Variants in DCUN1D4 observed in about 807,000 individuals in gnomAD.
The protein encoded by DCUN1D4 is DCN1-like protein 4.
Under a neutral mutation model 47.9 loss-of-function variants are expected in DCUN1D4, and 22 were observed. The ratio of observed to expected loss-of-function variants is 0.46; its 90% confidence interval spans 0.33 to 0.66. The LOEUF is 0.66. Ranked by LOEUF, DCUN1D4 falls within the 30% of genes least tolerant of loss-of-function variation. The probability of loss-of-function intolerance (pLI) is 0.02; values close to 1 mark genes in which losing one functional copy is unlikely to be tolerated. For synonymous variants in DCUN1D4, 121 were observed against 112.2 expected (o/e 1.08, Z -0.50); for missense variants, 301 against 340.8 (o/e 0.88, Z 0.92).
At chr4:51,899,220 A>G (rs894015279) in intron 7 of DCUN1D4, 50 bp from the exon 8 acceptor site, 1 of 1,504,886 alleles carries the variant, frequency 6.6e-7, no homozygotes, top group Admixed American at 2.5e-5. Flanking sequence ...CTATTAAAAA[A>G]ATAAATAAAT....
At chr4:51,861,955 T>TATATA in intron 1 of DCUN1D4, among the ~76,000 whole-genome samples, 2 of 152,228 alleles carry the variant, frequency 1.3e-5, no homozygotes, top group South Asian at 4.2e-4. Context: ...AATAAATAGG[T>TATATA]GTATAATACA....
At chr4:51,863,779 A>G (rs1725464526) in intron 3 of DCUN1D4, 70 bp downstream of exon 3, 9 of 1,461,856 alleles carry the variant, frequency 6.2e-6, no homozygotes, top group African/African-American at 1.4e-5. Flanking sequence ...AATACTAGCT[A>G]TGAATGCGCT....
At chr4:51,857,537 T>C (rs545423464) in intron 1 of DCUN1D4, among the ~76,000 whole-genome samples, 1 of 152,316 alleles carries the variant, frequency 6.6e-6, no homozygotes, top group South Asian at 2.1e-4. Flanking sequence ...GAATAAGTTG[T>C]TTCAGGGTCC....
chr4:51,873,105 T>C (rs1727163506), intron 3 of DCUN1D4, among the ~76,000 whole-genome samples: 1 of 152,196 alleles, frequency 6.6e-6, no homozygotes, highest in Non-Finnish European at 1.5e-5. Flanking sequence ...AACTCACTCA[T>C]TGACTGCAGA....
chr4:51,862,476 A>C (rs1360977228), intron 1 of DCUN1D4, among the ~76,000 whole-genome samples: 1 of 152,192 alleles, frequency 6.6e-6, no homozygotes, highest in Admixed American at 6.5e-5. Context: ...ACGTGTCCTA[A>C]ATAAAATGTT....
rs553635097 is a variant in DCUN1D4, at chr4:51,911,811, G to A, written c.720+637G>A. 8.5e-5 allele frequency among the ~76,000 whole-genome samples: 13 copies of A among 152,312 alleles called. 3 individuals carry two copies. The highest frequency in any genetic ancestry group is 2.9e-4 in the African/African-American group (12 of 41,562). On this transcript the variant is annotated intron_variant, in intron 9 of 10. Transcript: ENST00000334635. ...AAGTGTCATTCTGTGGGACCTGGAA[G>A]TATATGGGATACAAGTTTGAGTTAC... is the stretch of plus-strand genomic sequence containing the variant.
At chr4:51,855,154 C>T (rs967982692) in intron 1 of DCUN1D4, among the ~76,000 whole-genome samples, 16 of 152,034 alleles carry the variant, frequency 1.1e-4, no homozygotes, top group Non-Finnish European at 2.4e-4. Context: ...TGAAAGACCT[C>T]CTGTTGTGTG....
chr4:51,879,500 A>T (rs1165041078), intron 5 of DCUN1D4, among the ~76,000 whole-genome samples: 1 of 152,184 alleles, frequency 6.6e-6, no homozygotes, highest in Non-Finnish European at 1.5e-5. Context: ...CCTGCTACTC[A>T]GGAGGCTGAG....
chr4:51,857,647 C>G (rs1210047211), intron 1 of DCUN1D4, among the ~76,000 whole-genome samples: 1 of 152,166 alleles, frequency 6.6e-6, no homozygotes, highest in Non-Finnish European at 1.5e-5. Context: ...CCATTCCTGT[C>G]ATTACGTTTG....
intron 8 of DCUN1D4, among the ~76,000 whole-genome samples, chr4:51,899,668 TA>T (rs1027062836): frequency 6.6e-6 from 1 of 152,172 alleles, no homozygotes; most frequent in African/African-American, 2.4e-5. Flanking sequence ...GTCTCTTAGA[TA>T]AGGTTGGAAA....
intron 1 of DCUN1D4, among the ~76,000 whole-genome samples, chr4:51,850,837 C>A (rs188149933): frequency 1.3e-5 from 2 of 152,102 alleles, no homozygotes; most frequent in African/African-American, 4.8e-5. Flanking sequence ...TTAAGCTAAG[C>A]CCTGATGGAG....
intron 1 of DCUN1D4, among the ~76,000 whole-genome samples, chr4:51,845,651 A>G (rs540594444): frequency 2.8e-4 from 43 of 152,326 alleles, no homozygotes; most frequent in Non-Finnish European, 5.7e-4. Context: ...TGCAGAGATG[A>G]TAGATTTTTG....
At chr4:51,885,548 G>C (rs1412188750) in intron 5 of DCUN1D4, among the ~76,000 whole-genome samples, 1 of 152,158 alleles carries the variant, frequency 6.6e-6, no homozygotes, top group Non-Finnish European at 1.5e-5. Flanking sequence ...CAGAAGATGA[G>C]TGTAGTTACG....
chr4:51,846,032 A>G (rs752101940), intron 1 of DCUN1D4, among the ~76,000 whole-genome samples: 6 of 152,246 alleles, frequency 3.9e-5, no homozygotes, highest in Non-Finnish European at 8.8e-5. Flanking sequence ...TGCAAGAGCT[A>G]TAATTGTCTT....
chr4:51,867,186 G>A (rs1726078471), intron 3 of DCUN1D4, among the ~76,000 whole-genome samples: 1 of 152,218 alleles, frequency 6.6e-6, no homozygotes. Flanking sequence ...TCCACTGTGG[G>A]CACCTGCACC....
intron 3 of DCUN1D4, 93 bp downstream of exon 3, chr4:51,863,802 T>G: frequency 7.7e-7 from 1 of 1,301,146 alleles, no homozygotes; most frequent in South Asian, 1.3e-5. Context: ...GTTGTCATAA[T>G]GTACTCCATT....
upstream of DCUN1D4, among the ~76,000 whole-genome samples, chr4:51,842,473 G>A (rs1256508545): frequency 6.6e-6 from 1 of 152,248 alleles, no homozygotes; most frequent in Non-Finnish European, 1.5e-5. Flanking sequence ...CGAAAGTGGG[G>A]AGAGGATGGA....
At chr4:51,838,050 G>A (rs139797671), upstream of DCUN1D4, among the ~76,000 whole-genome samples, 4 of 152,220 alleles carry the variant, frequency 2.6e-5, no homozygotes, top group East Asian at 1.9e-4. Context: ...GGTGGCACAC[G>A]CATGTAGTCC....
chr4:51,854,820 T>G (rs989371836), intron 1 of DCUN1D4, among the ~76,000 whole-genome samples: 2 of 152,228 alleles, frequency 1.3e-5, no homozygotes, highest in African/African-American at 4.8e-5. Context: ...CAAGTGTCCT[T>G]TATCTGAAAA....
Sources: gnomAD v4.1 joint callset for allele counts (sites outside exome capture counted in the v4.1 genomes callset) on GRCh38, gnomAD v4.1.1 for gene constraint, MANE v1.5 for transcripts, NCBI Gene and HGNC (gene_info 2026-07-23, HGNC 2026-07-21) for gene names.